Variants in MORC1 observed in about 807,000 individuals in gnomAD.
The protein encoded by MORC1 is MORC family CW-type zinc finger protein 1.
In MORC1, 59 loss-of-function variants were observed where a neutral mutation model predicts 134.9. That is an observed-to-expected ratio of 0.44 (90% confidence interval 0.35 to 0.54). MORC1 has a LOEUF of 0.54. MORC1 is among the 20% of genes least tolerant of loss of function. MORC1 has a pLI of 0.00. For missense variants in MORC1, 947 were observed against 1,134.5 expected (o/e 0.83, Z 2.37); for synonymous variants, 395 against 391.7 (o/e 1.01, Z -0.10).
chr3:109,035,289 A>G, intron 15 of MORC1, 51 bp downstream of exon 15: 2 of 1,495,900 alleles, frequency 1.3e-6, no homozygotes. Flanking sequence ...AATGACTTGC[A>G]TATTTAAGAG....
chr3:108,966,985 AAAG>A (rs1282031090), intron 26 of MORC1, among the ~76,000 whole-genome samples: 1 of 152,214 alleles, frequency 6.6e-6, no homozygotes, highest in Non-Finnish European at 1.5e-5. Context: ...TGTTGTGACC[AAAG>A]AAGCCAGTGA....
chr3:109,116,222 AG>A (rs1320958438), intron 1 of MORC1, among the ~76,000 whole-genome samples: 1 of 152,152 alleles, frequency 6.6e-6, no homozygotes, highest in African/African-American at 2.4e-5. Flanking sequence ...CATTTTAAAA[AG>A]CTCACTCTGG....
intron 24 of MORC1, among the ~76,000 whole-genome samples, chr3:108,975,973 T>C (rs190047636): frequency 1.3e-5 from 2 of 152,270 alleles, no homozygotes; most frequent in East Asian, 3.9e-4. Context: ...TCCCTTTCAA[T>C]TAAATTAAAA....
rs1030752754 is a variant in MORC1, at chr3:109,057,276, C to T, written c.1175+67G>A. 6 of 1,503,342 alleles carry T rather than the reference C, an allele frequency of 4.0e-6. No homozygotes were observed. The African/African-American group carries it at 8.3e-5, about 21-fold the overall frequency. 93.1% of individuals were successfully genotyped at this position (1,503,342 alleles called of 1,614,324 possible). On this transcript the variant is annotated intron_variant, in intron 13 of 27. Coordinates refer to ENST00000232603, the MANE Select transcript of MORC1 (RefSeq NM_014429.4). ...TTGTGATTAGTCACTCATCTCACTC[C>T]ACAGACAGAATCTTACTGTAACATC...
At position 108,970,478 on chromosome 3, in the gene MORC1, C is replaced by T. The variant is rs530483001; in HGVS notation, c.2551-756G>A. Among the ~76,000 whole-genome samples the T allele has an allele frequency of 1.4e-4, 21 of 152,072 alleles. No homozygotes were observed. The East Asian group carries it at 3.9e-3, about 28-fold the overall frequency. ...ATAGTTCAGCTGTGGAATCAGAAGC[C>T]CCACGGGAGAGGATGAGGTGAGAGT... On this transcript the variant is annotated intron_variant, in intron 25 of 27. Transcript: ENST00000232603.
At chr3:109,007,210 G>T in intron 17 of MORC1, 119 bp from the exon 18 acceptor site, 1 of 698,670 alleles carries the variant, frequency 1.4e-6, no homozygotes, top group Non-Finnish European at 2.4e-6. Flanking sequence ...AAACCCTCAT[G>T]AATAATTGTT....
intron 21 of MORC1, among the ~76,000 whole-genome samples, chr3:108,992,358 C>T (rs1392179472): frequency 1.3e-5 from 2 of 152,242 alleles, no homozygotes; most frequent in East Asian, 3.9e-4. Context: ...AAGTATACAT[C>T]CTACTCTTTC....
chr3:109,071,143 A>G (rs1038428183), intron 8 of MORC1, among the ~76,000 whole-genome samples: 1 of 152,194 alleles, frequency 6.6e-6, no homozygotes, highest in Non-Finnish European at 1.5e-5. Context: ...GATGCTTGCC[A>G]TTGTTTAAAT....
intron 16 of MORC1, 78 bp downstream of exon 16, chr3:109,032,642 T>A (rs747091880): frequency 5.1e-6 from 5 of 982,338 alleles, no homozygotes; most frequent in Non-Finnish European, 7.6e-6. Flanking sequence ...TATTATAGAT[T>A]GACATTTTCA....
chr3:108,967,569 T>A (rs1458072560), intron 26 of MORC1, among the ~76,000 whole-genome samples: 1 of 152,234 alleles, frequency 6.6e-6, no homozygotes, highest in Non-Finnish European at 1.5e-5. Context: ...CATGATGTAA[T>A]GTCAGGTCTC....
intron 17 of MORC1, among the ~76,000 whole-genome samples, chr3:109,019,900 T>C (rs531558489): frequency 1.3e-4 from 20 of 152,090 alleles, no homozygotes; most frequent in Non-Finnish European, 2.4e-4. Flanking sequence ...GGGGGAGAGA[T>C]TGGAGAGAAG....
chr3:109,100,401 GA>G lies in MORC1; in HGVS notation c.314+15del. 8.9e-6 allele frequency: 14 copies of G among 1,581,864 alleles called. No homozygotes were observed. Among genetic ancestry groups the G allele is most frequent in the Non-Finnish European group, 1.1e-5 (13 of 1,151,146 alleles). On this transcript the variant is annotated intron_variant, in intron 5 of 27. Transcript: ENST00000232603. ...AGTATCAATAATATATGTCTTAAGGGAAAAAAAATTCTCACCTTTTAAGACC... is the reference window on the plus strand; with the variant it reads ...AGTATCAATAATATATGTCTTAAGGGAAAAAAATTCTCACCTTTTAAGACC...
intron 21 of MORC1, among the ~76,000 whole-genome samples, chr3:108,990,742 T>C (rs926145355): frequency 2.0e-5 from 3 of 152,058 alleles, no homozygotes; most frequent in African/African-American, 7.2e-5. Context: ...GGACAGTAAC[T>C]GATGTTCAAG....
At chr3:109,072,968 C>CAT (rs1232667367) in intron 8 of MORC1, among the ~76,000 whole-genome samples, 4 of 22,302 alleles carry the variant, frequency 1.8e-4, no homozygotes, top group East Asian at 9.6e-3. Flanking sequence ...CACACACATA[C>CAT]ACACACACAC....
chr3:108,962,200 A>C (rs1451629578), intron 27 of MORC1, among the ~76,000 whole-genome samples: 1 of 152,200 alleles, frequency 6.6e-6, no homozygotes, highest in African/African-American at 2.4e-5. Context: ...AATTTTAATA[A>C]CATAACATTT....
intron 26 of MORC1, 51 bp downstream of exon 26, chr3:108,969,618 C>G (rs551304725): frequency 8.6e-6 from 13 of 1,518,476 alleles, no homozygotes; most frequent in Non-Finnish European, 1.2e-5. Context: ...TTTATCCTTT[C>G]GAACACAGGA....
At chr3:109,004,778 A>ATT in intron 20 of MORC1, 39 bp downstream of exon 20, 1 of 1,566,846 alleles carries the variant, frequency 6.4e-7, no homozygotes, top group South Asian at 1.1e-5. Flanking sequence ...CTATATGAAT[A>ATT]TTTCTCCCTT....
chr3:109,087,614 T>C (rs755366647), intron 8 of MORC1, among the ~76,000 whole-genome samples: 2 of 152,118 alleles, frequency 1.3e-5, no homozygotes, highest in Non-Finnish European at 2.9e-5. Flanking sequence ...TGCTCCTGTA[T>C]AGGAAGAATC....
chr3:109,069,281 A>G (rs1247136271), intron 9 of MORC1, among the ~76,000 whole-genome samples: 3 of 152,224 alleles, frequency 2.0e-5, no homozygotes, highest in Non-Finnish European at 2.9e-5. Context: ...ATGTATATAT[A>G]TGGTTTAATA....
Sources: allele counts gnomAD v4.1 joint callset (sites outside exome capture counted in the v4.1 genomes callset), GRCh38; gene constraint gnomAD v4.1.1; transcripts MANE v1.5; gene names NCBI Gene and HGNC (gene_info 2026-07-23, HGNC 2026-07-21).